The following STK3 variants were observed in gnomAD, a reference collection of about 807,000 sequenced individuals.
The protein encoded by STK3 is serine/threonine kinase 3, also known as serine/threonine-protein kinase 3.
Under a neutral mutation model 58.0 loss-of-function variants are expected in STK3, and 41 were observed. That is an observed-to-expected ratio of 0.71 (90% confidence interval 0.55 to 0.92). The LOEUF (loss-of-function observed/expected upper bound fraction) is 0.92, where lower values mean the gene tolerates loss of function less well. Among genes scored for constraint, STK3 ranks in the 40% least tolerant of loss-of-function variants. STK3 has a pLI of 0.00. For missense variants in STK3, 479 were observed against 602.7 expected (o/e 0.79, Z 2.15); for synonymous variants, 170 against 191.0 (o/e 0.89, Z 0.91).
chr8:98,823,386 G>A (rs1335290417), intron 1 of STK3, among the ~76,000 whole-genome samples: 1 of 152,154 alleles, frequency 6.6e-6, no homozygotes, highest in Non-Finnish European at 1.5e-5. Context: ...CAGAGACCAG[G>A]AGATTACAGA....
chr8:98,854,751 G>A (rs1836604837), intron 3 of STK3, among the ~76,000 whole-genome samples: 2 of 152,100 alleles, frequency 1.3e-5, no homozygotes, highest in African/African-American at 4.8e-5. Flanking sequence ...ACTTAACATT[G>A]TTAACATGTT....
At chr8:98,587,998 A>C (rs1471158323) in intron 7 of STK3, among the ~76,000 whole-genome samples, 1 of 152,150 alleles carries the variant, frequency 6.6e-6, no homozygotes, top group Non-Finnish European at 1.5e-5. Flanking sequence ...GTGTCTCTGC[A>C]CGTGAGATGG....
chr8:98,688,164 G>T (rs1245096015), intron 6 of STK3, among the ~76,000 whole-genome samples: 2 of 151,868 alleles, frequency 1.3e-5, no homozygotes, highest in Non-Finnish European at 2.9e-5. Context: ...CTGTAAAAAA[G>T]GACAAAAAAG....
chr8:98,913,687 TC>T (rs1274697965), intron 1 of STK3, among the ~76,000 whole-genome samples: 1 of 152,256 alleles, frequency 6.6e-6, no homozygotes, highest in Non-Finnish European at 1.5e-5. Flanking sequence ...TTAAACTGAA[TC>T]CCTTTCCACA....
At chr8:98,638,281 A>G (rs1819766616) in intron 6 of STK3, among the ~76,000 whole-genome samples, 1 of 152,248 alleles carries the variant, frequency 6.6e-6, no homozygotes, top group Non-Finnish European at 1.5e-5. Flanking sequence ...GTCTCCAAAT[A>G]TGTAAACTAG....
the STK3 span, among the ~76,000 whole-genome samples, chr8:98,361,824 C>T: frequency 6.6e-6 from 1 of 152,194 alleles, no homozygotes; most frequent in Non-Finnish European, 1.5e-5. Flanking sequence ...GCTGCAGGGA[C>T]AGGCCTTCAA....
chr8:98,451,753 A>T (rs947115166), downstream of STK3, among the ~76,000 whole-genome samples: 3 of 152,150 alleles, frequency 2.0e-5, no homozygotes, highest in Non-Finnish European at 4.4e-5. Flanking sequence ...ACTCCCTGGA[A>T]GTCACCACTC....
At chr8:98,595,097 G>A (rs1815691725) in intron 7 of STK3, 1 of 152,056 alleles carries the variant, frequency 6.6e-6, no homozygotes, top group Admixed American at 6.5e-5. Flanking sequence ...TATTTCTGTA[G>A]AATAAATTCC....
chr8:98,521,222 T>C (rs746431538), intron 10 of STK3, among the ~76,000 whole-genome samples: 6 of 152,166 alleles, frequency 3.9e-5, no homozygotes, highest in Non-Finnish European at 8.8e-5. Context: ...CTGCCCTATA[T>C]AAGTCAAAAA....
chr8:98,696,758 C>A (rs888140780), intron 6 of STK3, among the ~76,000 whole-genome samples: 1 of 152,076 alleles, frequency 6.6e-6, no homozygotes, highest in South Asian at 2.1e-4. Context: ...ATTCGTTTTG[C>A]CAGTATTTTA....
chr8:98,631,659 C>T (rs1045882857), intron 6 of STK3, among the ~76,000 whole-genome samples: 5 of 137,312 alleles, frequency 3.6e-5, no homozygotes, highest in Non-Finnish European at 8.1e-5. Context: ...CTATAGTTTT[C>T]GTTTTTTTGT....
chr8:98,454,826 C>G lies in STK3; in HGVS notation c.*1016G>C, dbSNP rs1011914048. The G allele has an allele frequency of 5.9e-5, 9 of 151,986 alleles. No homozygotes were observed. The highest frequency in any genetic ancestry group is 1.3e-4 in the Non-Finnish European group (9 of 67,898). The allele number at this position is 151,986 out of a possible 1,614,324, so 9.4% of individuals were successfully genotyped here. A position where few individuals can be genotyped will look rare whatever the true frequency, so the allele number is the denominator to read the frequency against. On this transcript the variant is annotated 3_prime_UTR_variant, in exon 11 of 11. Coordinates refer to ENST00000419617, the MANE Select transcript of STK3 (RefSeq NM_006281.4). ...GTTTTAATCTTTTTTTTTTCAGTCC[C>G]CAAGGCTTGTACCACTCAGTACAAA...
intron 1 of STK3, among the ~76,000 whole-genome samples, chr8:98,787,499 G>T (rs1304107527): frequency 2.0e-5 from 3 of 152,078 alleles, no homozygotes; most frequent in Admixed American, 2.0e-4. Context: ...TAAAAGTCTG[G>T]AAAATATATT....
intron 10 of STK3, among the ~76,000 whole-genome samples, chr8:98,500,570 T>C (rs1331649687): frequency 6.6e-6 from 1 of 151,822 alleles, no homozygotes; most frequent in Non-Finnish European, 1.5e-5. Context: ...TGTCCAAGTG[T>C]TCTCACTGTT....
chr8:98,710,974 T>A (rs550480317), intron 4 of STK3, among the ~76,000 whole-genome samples: 3 of 152,328 alleles, frequency 2.0e-5, no homozygotes, highest in Admixed American at 6.5e-5. Flanking sequence ...CAACATTTGC[T>A]GTTCACCAAT....
chr8:98,460,608 A>G (rs1819877575), intron 10 of STK3, among the ~76,000 whole-genome samples: 2 of 152,136 alleles, frequency 1.3e-5, no homozygotes. Context: ...TAATCTCCAT[A>G]ATCTTGGTTT....
At position 98,428,004 on chromosome 8, in the gene STK3, G is replaced by T; in HGVS notation, n.483+6123C>A. Reference sequence around the variant, plus strand: ...CATGACCGGCCAGAGCCTGTGGGACGTGTCGGAGGCTAACGTCGAGGACGG... The same window carrying T: ...CATGACCGGCCAGAGCCTGTGGGACTTGTCGGAGGCTAACGTCGAGGACGG... On this transcript the variant is annotated intron_variant and non_coding_transcript_variant, in intron 3 of 3. Coordinates refer to the STK3 transcript ENST00000517832. This position sits in a 1 kb window ranked among gnomAD's most constrained non-coding sequence, Gnocchi z 6.7. The T allele has an allele frequency of 6.3e-7, 1 of 1,576,496 alleles. No homozygotes were observed. The highest frequency in any genetic ancestry group is 8.6e-7 in the Non-Finnish European group (1 of 1,159,510).
intron 10 of STK3, among the ~76,000 whole-genome samples, chr8:98,494,646 C>A (rs1357656191): frequency 4.5e-5 from 6 of 131,914 alleles, no homozygotes; most frequent in Non-Finnish European, 8.0e-5. Context: ...CAGAGTGAGA[C>A]CCTGTCTCAA....
intron 6 of STK3, among the ~76,000 whole-genome samples, chr8:98,697,692 T>C (rs1390288398): frequency 6.6e-6 from 1 of 152,204 alleles, no homozygotes; most frequent in Non-Finnish European, 1.5e-5. Flanking sequence ...TAATCCTGAG[T>C]TCTAGTTTGA....
Sources: gnomAD v4.1 joint callset for allele counts (sites outside exome capture counted in the v4.1 genomes callset) on GRCh38, gnomAD v4.1.1 for gene constraint, Gnocchi (gnomAD v3.1) non-coding constraint, MANE v1.5 for transcripts, NCBI Gene and HGNC (gene_info 2026-07-23, HGNC 2026-07-21) for gene names.